The following PDE1C variants were observed in gnomAD, a reference collection of about 807,000 sequenced individuals.
The protein encoded by PDE1C is phosphodiesterase 1C.
In PDE1C, 62 loss-of-function variants were observed where a neutral mutation model predicts 93.1. The ratio of observed to expected loss-of-function variants is 0.67; its 90% CI spans 0.54 to 0.82. The LOEUF is 0.82. Among genes scored for constraint, PDE1C ranks in the 40% least tolerant of loss-of-function variants. The pLI is 0.00. For missense variants in PDE1C, 742 were observed against 884.6 expected, an observed-to-expected ratio of 0.84 and a Z score of 2.04; for synonymous variants, 325 against 310.1, an observed-to-expected ratio of 1.05 and a Z score of -0.50.
chr7:32,154,724 CACCCCATACCAT>C (rs1416529307), intron 3 of PDE1C, among the ~76,000 whole-genome samples: 2 of 152,186 alleles, frequency 1.3e-5, no homozygotes, highest in Non-Finnish European at 2.9e-5. Context: ...CCTTCCCTAC[CACCCCATACCAT>C]ACAGTGGGCA....
chr7:31,952,552 A>G (rs1455883609), intron 2 of PDE1C, among the ~76,000 whole-genome samples: 1 of 152,132 alleles, frequency 6.6e-6, no homozygotes. Context: ...ACCCAGTGAG[A>G]GTTACCCATT....
chr7:32,337,752 T>C (rs2128078914), intron 1 of PDE1C, among the ~76,000 whole-genome samples: 1 of 151,688 alleles, frequency 6.6e-6, no homozygotes, highest in South Asian at 2.1e-4. Context: ...AGACAAGTAC[T>C]GAGCCAATGG....
At chr7:32,341,268 C>T (rs985034869) in intron 1 of PDE1C, among the ~76,000 whole-genome samples, 1 of 142,260 alleles carries the variant, frequency 7.0e-6, no homozygotes, top group Non-Finnish European at 1.5e-5. Flanking sequence ...CTCCGCCTCC[C>T]GGGTTCACGC....
chr7:31,873,443 C>T (rs769235733), intron 5 of PDE1C, 35 bp from the exon 6 acceptor site: 1 of 1,310,868 alleles, frequency 7.6e-7, no homozygotes, highest in South Asian at 1.2e-5. Context: ...AACACATTAG[C>T]CCACAGACAC....
chr7:32,289,241 G>A (rs1812190962), intron 1 of PDE1C, among the ~76,000 whole-genome samples: 1 of 152,064 alleles, frequency 6.6e-6, no homozygotes, highest in Non-Finnish European at 1.5e-5. Context: ...CCCATCTCTA[G>A]AAATAATAAA....
At chr7:31,799,899 C>T (rs1785781983) in intron 16 of PDE1C, among the ~76,000 whole-genome samples, 1 of 151,644 alleles carries the variant, frequency 6.6e-6, no homozygotes, top group Non-Finnish European at 1.5e-5. Flanking sequence ...AAAGCTGTGT[C>T]CTGACAGCCA....
chr7:32,030,078 A>AACACACACACACAC (rs376919544), intron 2 of PDE1C, among the ~76,000 whole-genome samples: 37 of 134,086 alleles, frequency 2.8e-4, no homozygotes, highest in East Asian at 2.8e-3. Context: ...TGCATATTAT[A>AACACACACACACAC]ACACACACAC....
Position 31,752,063 on chromosome 7 carries a change from T to A in PDE1C, c.*1321A>T, listed in dbSNP as rs1030605563. The stretch of plus-strand genomic sequence containing the variant: ...TTAATCTTCAATACAAAGTGCAGAG[T>A]GTGTATATGAATCCTAGTTTCTAGT... On this transcript the variant is annotated 3_prime_UTR_variant, in exon 18 of 18. Transcript: ENST00000396191. 3.3e-5 allele frequency: 5 copies of A among 152,054 alleles called. No homozygotes were observed. Among genetic ancestry groups the A allele is most frequent in the African/African-American group, 1.2e-4 (5 of 41,398 alleles). The allele number at this position is 152,054 out of a possible 1,614,324, so 9.4% of individuals were successfully genotyped here.
chr7:31,759,066 G>T (rs1474796755), intron 17 of PDE1C, among the ~76,000 whole-genome samples: 1 of 152,160 alleles, frequency 6.6e-6, no homozygotes, highest in Non-Finnish European at 1.5e-5. Context: ...TGCTGATATA[G>T]GTAGACTCCC....
At chr7:31,966,659 C>A (rs1473450167) in intron 2 of PDE1C, among the ~76,000 whole-genome samples, 2 of 152,206 alleles carry the variant, frequency 1.3e-5, no homozygotes, top group Non-Finnish European at 2.9e-5. Context: ...AGTATACATT[C>A]TTTTCAGCAT....
the PDE1C span, among the ~76,000 whole-genome samples, chr7:31,702,500 T>G: frequency 6.6e-6 from 1 of 152,178 alleles, no homozygotes; most frequent in South Asian, 2.1e-4. Context: ...TACCTTTCAG[T>G]AGTCAGCCAG....
intron 14 of PDE1C, chr7:31,820,491 T>G (rs777938842): frequency 6.6e-6 from 1 of 152,150 alleles, no homozygotes; most frequent in Non-Finnish European, 1.5e-5. Flanking sequence ...TATAAAAATA[T>G]TTATTTAATC....
chr7:31,661,540 C>A, the PDE1C span, among the ~76,000 whole-genome samples: 24 of 151,964 alleles, frequency 1.6e-4, no homozygotes, highest in African/African-American at 5.8e-4. Flanking sequence ...TGGTGAATCC[C>A]CATCTCTACT....
the PDE1C span, among the ~76,000 whole-genome samples, chr7:31,678,700 A>G: frequency 6.6e-6 from 1 of 152,174 alleles, no homozygotes; most frequent in Non-Finnish European, 1.5e-5. Context: ...AGTCTAAGAG[A>G]TTAAATTTTC....
the PDE1C span, among the ~76,000 whole-genome samples, chr7:31,660,655 G>C: frequency 6.6e-6 from 1 of 151,780 alleles, no homozygotes; most frequent in Non-Finnish European, 1.5e-5. Flanking sequence ...TATCTTATTT[G>C]TCAGCCCTTA....
intron 1 of PDE1C, among the ~76,000 whole-genome samples, chr7:32,393,048 C>CAG (rs1554316701): frequency 4.1e-5 from 2 of 48,498 alleles, no homozygotes; most frequent in East Asian, 1.6e-3. Context: ...GACTCTGTCT[C>CAG]AAAAAAAAAA....
At position 32,361,826 on chromosome 7, in the gene PDE1C, C is replaced by A. The variant is rs905736167; in HGVS notation, c.310+65996G>T. ...CCCAAACAGCCTTCTCTCAGCCTGGCACCATGCAGGTACTCAGAAATATTC... is the reference window on the plus strand; with the variant it reads ...CCCAAACAGCCTTCTCTCAGCCTGGAACCATGCAGGTACTCAGAAATATTC... On this transcript the variant is annotated intron_variant, in intron 1 of 1. Coordinates refer to the PDE1C transcript ENST00000672256. Among the ~76,000 whole-genome samples the A allele has an allele frequency of 2.0e-5, 3 of 152,194 alleles. No homozygotes were observed. The East Asian group carries it at 5.8e-4, about 29-fold the overall frequency.
chr7:31,922,236 A>G (rs542833464), intron 2 of PDE1C, among the ~76,000 whole-genome samples: 106 of 152,248 alleles, frequency 7.0e-4, no homozygotes, highest in African/African-American at 2.4e-3. Flanking sequence ...TGTAGACTCT[A>G]TTTAACAATC....
chr7:31,644,063 C>T, the PDE1C span: 1 of 973,786 alleles, frequency 1.0e-6, no homozygotes, highest in Non-Finnish European at 1.5e-6. Context: ...GCAAACTTTT[C>T]TATTTTAAAT....
Sources: allele counts gnomAD v4.1 joint callset (sites outside exome capture counted in the v4.1 genomes callset), GRCh38; gene constraint gnomAD v4.1.1; transcripts MANE v1.5; gene names NCBI Gene and HGNC (gene_info 2026-07-23, HGNC 2026-07-21).